The following PAK1 variants were observed in gnomAD, a reference collection of about 807,000 sequenced individuals.
PAK1 encodes p21 (RAC1) activated kinase 1.
A neutral mutation model predicts 67.4 loss-of-function variants in PAK1; 29 were observed. The ratio of observed to expected loss-of-function variants is 0.43; its 90% CI spans 0.32 to 0.59. PAK1 has a LOEUF of 0.59. Among genes scored for constraint, PAK1 ranks in the 20% least tolerant of loss-of-function variants. The pLI, the probability that PAK1 is intolerant of heterozygous loss-of-function variation, is 0.07. For missense variants in PAK1, 337 were observed against 670.7 expected (o/e 0.50, Z 5.50); for synonymous variants, 223 against 237.4 (o/e 0.94, Z 0.56).
chr11:77,356,441 T>C (rs952577090), intron 6 of PAK1: 3 of 152,222 alleles, frequency 2.0e-5, no homozygotes, highest in Non-Finnish European at 4.4e-5. Context: ...TAGAGTGTGA[T>C]GATTTAGAAC....
At chr11:77,449,087 C>T (rs1379445075) in intron 1 of PAK1, among the ~76,000 whole-genome samples, 2 of 152,172 alleles carry the variant, frequency 1.3e-5, no homozygotes, top group Admixed American at 1.3e-4. Flanking sequence ...CCAGAAAGCT[C>T]GAAAGAGAAA....
intron 5 of PAK1, among the ~76,000 whole-genome samples, chr11:77,370,300 G>T (rs1212659356): frequency 1.4e-5 from 2 of 138,308 alleles, no homozygotes; most frequent in African/African-American, 5.6e-5. Flanking sequence ...GAATTTTGCA[G>T]TTAACTCAGG....
At chr11:77,485,738 G>A in the PAK1 span, among the ~76,000 whole-genome samples, 1 of 152,196 alleles carries the variant, frequency 6.6e-6, no homozygotes, top group Non-Finnish European at 1.5e-5. Flanking sequence ...GTCTCCCAAA[G>A]TGCTGGGATT....
intron 2 of PAK1, among the ~76,000 whole-genome samples, chr11:77,383,660 G>T (rs926925842): frequency 4.6e-5 from 7 of 152,136 alleles, no homozygotes; most frequent in African/African-American, 1.7e-4. Flanking sequence ...GTATTCACCA[G>T]TTGGGGATCA....
chr11:77,501,161 AC>A, the PAK1 span, among the ~76,000 whole-genome samples: 1 of 147,864 alleles, frequency 6.8e-6, no homozygotes, highest in African/African-American at 2.6e-5. Context: ...AAAAAAAAAA[AC>A]AAAAAACAAA....
At chr11:77,401,882 G>A (rs866024010) in intron 1 of PAK1, among the ~76,000 whole-genome samples, 9 of 152,292 alleles carry the variant, frequency 5.9e-5, no homozygotes, top group Middle Eastern at 3.4e-3. Context: ...ACCAGGCCAT[G>A]AATAACTCAA....
At position 77,322,823 on chromosome 11, in the gene PAK1, T is replaced by C. The variant is rs1938719399; in HGVS notation, c.*451A>G. 2 of 407,408 alleles carry C rather than the reference T, an allele frequency of 4.9e-6. No homozygotes were observed. The highest frequency in any genetic ancestry group is 8.8e-6 in the Non-Finnish European group (2 of 227,856). The allele number at this position is 407,408 out of a possible 1,614,324, so 25.2% of individuals were successfully genotyped here. On this transcript the variant is annotated 3_prime_UTR_variant, in exon 15 of 15. Transcript: ENST00000356341. The stretch of plus-strand genomic sequence containing the variant: ...TGGCATTCCCAAGCTGTTCCAGTTT[T>C]CAAGTACAATGAGGTGTCTGGGCAG...
chr11:77,338,849 T>C (rs1461517062), intron 11 of PAK1, among the ~76,000 whole-genome samples: 4 of 152,092 alleles, frequency 2.6e-5, no homozygotes, highest in Non-Finnish European at 5.9e-5. Context: ...CATGATTCCA[T>C]TTATATAAAA....
chr11:77,399,206 T>C (rs1952258383), intron 1 of PAK1, among the ~76,000 whole-genome samples: 1 of 152,146 alleles, frequency 6.6e-6, no homozygotes, highest in Non-Finnish European at 1.5e-5. Flanking sequence ...GAATAAAATA[T>C]GACCTGACCC....
At chr11:77,391,253 AACAAAGGAGTAAAGAGACAGAG>A (rs1334144405) in intron 2 of PAK1, among the ~76,000 whole-genome samples, 33 of 152,334 alleles carry the variant, frequency 2.2e-4, no homozygotes, top group Middle Eastern at 3.4e-3. Flanking sequence ...TCTATTCATC[AACAAAGGAGTAAAGAGACAGAG>A]ACAAAGGAGT....
At chr11:77,393,285 AAGAG>A (rs35216521) in intron 1 of PAK1, among the ~76,000 whole-genome samples, 7,332 of 141,732 alleles carry the variant, frequency 0.052, 627 homozygotes, top group African/African-American at 0.18. Context: ...TAAAAAAAAA[AAGAG>A]AGAGAGAGAG....
At chr11:77,453,167 C>G (rs1432065177) in intron 1 of PAK1, among the ~76,000 whole-genome samples, 1 of 152,020 alleles carries the variant, frequency 6.6e-6, no homozygotes, top group Non-Finnish European at 1.5e-5. Flanking sequence ...TCAGCCTGGC[C>G]AATATGGCAA....
intron 1 of PAK1, among the ~76,000 whole-genome samples, chr11:77,462,248 G>A (rs999413543): frequency 1.3e-5 from 2 of 150,970 alleles, no homozygotes; most frequent in African/African-American, 4.9e-5. Context: ...GGAGAATGGC[G>A]TGAACCCGGG....
chr11:77,340,605 A>G, intron 11 of PAK1, 41 bp downstream of exon 11: 2 of 957,484 alleles, frequency 2.1e-6, no homozygotes, highest in Non-Finnish European at 3.4e-6. Context: ...AGGAATATGG[A>G]GGCAGCTTTC....
chr11:77,369,444 CTTTTTTTTTTT>C (rs147630042), intron 5 of PAK1, among the ~76,000 whole-genome samples: 3 of 86,736 alleles, frequency 3.5e-5, no homozygotes, highest in South Asian at 4.0e-4. Flanking sequence ...TTATACATTT[CTTTTTTTTTTT>C]TTTTTTTTTT....
intron 5 of PAK1, among the ~76,000 whole-genome samples, chr11:77,360,670 T>C (rs1280544243): frequency 6.6e-6 from 1 of 152,182 alleles, no homozygotes; most frequent in Non-Finnish European, 1.5e-5. Flanking sequence ...GATTCTGTTT[T>C]CCATAGGTGA....
intron 5 of PAK1, among the ~76,000 whole-genome samples, chr11:77,361,921 A>G (rs906112135): frequency 1.3e-5 from 2 of 152,178 alleles, no homozygotes; most frequent in Non-Finnish European, 2.9e-5. Context: ...TTCTACTGCA[A>G]ATAGGCAAGA....
chr11:77,395,752 T>C (rs1256298608), intron 1 of PAK1, among the ~76,000 whole-genome samples: 1 of 152,182 alleles, frequency 6.6e-6, no homozygotes, highest in Non-Finnish European at 1.5e-5. Context: ...AACCAACTGC[T>C]CCTTCTCTTT....
chr11:77,344,207 G>T (rs761832195), intron 9 of PAK1, among the ~76,000 whole-genome samples: 5 of 152,142 alleles, frequency 3.3e-5, no homozygotes, highest in African/African-American at 4.8e-5. Context: ...AGTCCTCCAG[G>T]TCACTGTGAT....
Sources: allele counts gnomAD v4.1 joint callset (sites outside exome capture counted in the v4.1 genomes callset), GRCh38; gene constraint gnomAD v4.1.1; transcripts MANE v1.5; gene names NCBI Gene and HGNC (gene_info 2026-07-23, HGNC 2026-07-21).